LRRC43: variants seen among roughly 807,000 people sequenced by gnomAD.
LRRC43 encodes leucine-rich repeat-containing protein 43.
Under a neutral mutation model 64.3 loss-of-function variants are expected in LRRC43, and 62 were observed. The observed-to-expected ratio is 0.96, with a 90% CI of 0.79 to 1.19. The LOEUF (loss-of-function observed/expected upper bound fraction) is 1.19. Among genes scored for constraint, LRRC43 ranks in the 50% most tolerant of loss-of-function variants. The pLI is 0.00. For synonymous variants in LRRC43, 422 were observed against 382.3 expected (o/e 1.10, Z -1.21); for missense variants, 868 against 845.0 (o/e 1.03, Z -0.34).
In LRRC43 at chr12:122,191,540, G is replaced by C. The variant is rs902556363; in HGVS notation, c.1062G>C (p.Met354Ile). Residue 354 changes from methionine (M) to isoleucine (I), a missense_variant, in exon 6 of 12, where the codon ATG becomes ATC. Physicochemically the swap from Met to Ile is conservative, Grantham distance 10. Transcript: ENST00000339777. ...YDFVKDEEGE[M>I]NESAGVLAEI... ...TTGTGAAAGATGAAGAAGGCGAAAT[G>C]AATGAGTCCGCGGGCGTCCTGGCCG... 1.2e-6 allele frequency: 2 copies of C among 1,614,044 alleles called. No individual in the cohort carries two copies. The highest frequency in any genetic ancestry group is 1.7e-6 in the Non-Finnish European group (2 of 1,180,034).
In LRRC43 at chr12:122,189,806, G is replaced by A. The variant is rs1286655611; in HGVS notation, c.663-324G>A. Among the ~76,000 whole-genome samples the A allele has an allele frequency of 2.0e-5, 3 of 152,246 alleles. No homozygotes were observed. In the South Asian group the frequency reaches 6.2e-4, roughly 31 times the overall value. The stretch of plus-strand genomic sequence containing the variant: ...AGTCTGCCTGTACTATTTGTGCAGA[G>A]CCTCCTAGACGCACGCAGTGCGCGA... On this transcript the variant is annotated intron_variant, in intron 4 of 11. Coordinates refer to ENST00000339777, the MANE Select transcript of LRRC43 (RefSeq NM_001098519.2).
chr12:122,194,192 G>A (rs1953751454), intron 7 of LRRC43, among the ~76,000 whole-genome samples: 1 of 151,752 alleles, frequency 6.6e-6, no homozygotes, highest in African/African-American at 2.4e-5. Context: ...AGAGAAGAAA[G>A]GAGAGCACAA....
At chr12:122,175,815 C>T (rs1953532817) in intron 1 of LRRC43, among the ~76,000 whole-genome samples, 3 of 151,950 alleles carry the variant, frequency 2.0e-5, no homozygotes, top group South Asian at 4.2e-4. Context: ...TACAGGCACC[C>T]ACCACCACGC....
chr12:122,184,674 T>A lies in LRRC43; in HGVS notation c.306T>A (p.Asn102Lys). ...CCTGGGCTCTGCTGAACAACTCGAA[T>A]GCAGAAGACAGTTTCCTGAGAGAAT... ...HSPWALLNNS[N>K]AEDSFLRELA... The change falls in exon 2 of 12, where the codon AAT (asparagine) becomes AAA (lysine). Residue 102 changes from asparagine (N) to lysine (K), a missense_variant. Asn to Lys is a moderately conservative substitution (Grantham distance 94). Transcript: ENST00000339777. The surrounding 1 kb of genome is among the most constrained non-coding windows in gnomAD (Gnocchi z 4.0). 1 of 1,613,992 alleles carries A rather than the reference T, an allele frequency of 6.2e-7. No homozygotes were observed. The highest frequency in any genetic ancestry group is 8.5e-7 in the Non-Finnish European group (1 of 1,179,880).
Position 122,186,207 on chromosome 12 carries a change from A to T in LRRC43, c.429A>T (p.Lys143Asn). ...VIDKKVTLVDKDLLKFLKLEE... is the reference protein window; with the variant it reads ...VIDKKVTLVDNDLLKFLKLEE... ...TCTTCCAGGTCACCCTGGTGGATAA[A>T]GACCTCCTGAAATTTCTAAAGCTGG... Residue 143 changes from lysine to asparagine, a missense_variant, in exon 3 of 12, where the codon AAA becomes AAT. Lys to Asn is a moderately conservative substitution (Grantham distance 94). Coordinates refer to ENST00000339777, the MANE Select transcript of LRRC43 (RefSeq NM_001098519.2). 1 of 1,597,596 alleles carries T rather than the reference A, an allele frequency of 6.3e-7. No homozygotes were observed. The highest frequency in any genetic ancestry group is 8.5e-7 in the Non-Finnish European group (1 of 1,172,076).
chr12:122,190,349 G>A lies in LRRC43; in HGVS notation c.882G>A (p.Arg294=), dbSNP rs1465909595. The A allele has an allele frequency of 2.5e-6, 4 of 1,613,854 alleles. No homozygotes were observed. In the African/African-American group the frequency reaches 4.0e-5, roughly 16 times the overall value. Residue 294 remains arginine, a synonymous_variant, in exon 5 of 12, where the codon CGG becomes CGA. Coordinates refer to ENST00000339777, the MANE Select transcript of LRRC43 (RefSeq NM_001098519.2). ...TVSPNEKHLF[R]GLSLNGDLLA... ...CTCCCAATGAGAAGCATCTCTTCCG[G>A]GGGCTCAGCCTCAATGGCGGTGAGG...
chr12:122,168,865 CA>C (rs1953461784), intron 1 of LRRC43, among the ~76,000 whole-genome samples: 2 of 152,224 alleles, frequency 1.3e-5, no homozygotes, highest in African/African-American at 4.8e-5. Context: ...AATCTGTGAC[CA>C]TTTCTTAGCC....
intron 10 of LRRC43, 143 bp downstream of exon 10, chr12:122,201,077 G>A: frequency 8.6e-7 from 1 of 1,159,276 alleles, no homozygotes; most frequent in Non-Finnish European, 1.2e-6. Context: ...CATGCAGCTG[G>A]GCTGCTGGTG....
chr12:122,173,956 A>G, intron 1 of LRRC43: 1 of 1,614,186 alleles, frequency 6.2e-7, no homozygotes, highest in Non-Finnish European at 8.5e-7. Flanking sequence ...CCAGCCTCCC[A>G]GGCAGCAGAA....
In LRRC43 at chr12:122,200,825, G is replaced by A. The variant is rs184253802; in HGVS notation, c.1700G>A (p.Arg567Gln). The change falls in exon 10 of 12, where the codon CGG (arginine) becomes CAG (glutamine). Residue 567 changes from arginine (R) to glutamine (Q), a missense_variant. Transcript: ENST00000339777. The surrounding 1 kb of genome is among the most constrained non-coding windows in gnomAD (Gnocchi z 4.6). ...QDPPILQVLG[R>Q]GLVILEPLLA... ...CCCCCCATCCTCCAGGTGCTGGGCC[G>A]GGGCCTGGTGATCCTGGAGCCCCTG... The A allele has an allele frequency of 7.7e-5, 124 of 1,613,162 alleles. No homozygotes were observed. The East Asian group carries it at 9.1e-4, about 12-fold the overall frequency.
intron 1 of LRRC43, among the ~76,000 whole-genome samples, chr12:122,169,214 A>C (rs1406417989): frequency 6.6e-6 from 1 of 152,120 alleles, no homozygotes; most frequent in African/African-American, 2.4e-5. Context: ...TGGAGGGAGG[A>C]ATATCGAAGA....
Position 122,190,314 on chromosome 12 carries a change from A to T in LRRC43, c.847A>T (p.Ile283Phe). The stretch of plus-strand genomic sequence containing the variant: ...GGCCCAGCTCTGCGTGCTGGACGAC[A>T]TCACCGTGTCTCCCAATGAGAAGCA... Reference protein sequence around the residue: ...SLAQLCVLDDITVSPNEKHLF... With the variant: ...SLAQLCVLDDFTVSPNEKHLF... The change falls in exon 5 of 12, where the codon ATC becomes TTC. Residue 283 changes from isoleucine to phenylalanine, a missense_variant. Coordinates refer to ENST00000339777, the MANE Select transcript of LRRC43 (RefSeq NM_001098519.2). The T allele has an allele frequency of 1.2e-6, 2 of 1,614,134 alleles. No homozygotes were observed. Among genetic ancestry groups the T allele is most frequent in the Non-Finnish European group, 1.7e-6 (2 of 1,180,024 alleles).
chr12:122,182,611 TGAACCCGG>T (rs1400081593), upstream of LRRC43, among the ~76,000 whole-genome samples: 1 of 151,724 alleles, frequency 6.6e-6, no homozygotes, highest in Non-Finnish European at 1.5e-5. Flanking sequence ...GAGAATCGCT[TGAACCCGG>T]GACACGGAGA....
At chr12:122,172,112 A>T in intron 1 of LRRC43, 1 of 271,206 alleles carries the variant, frequency 3.7e-6, no homozygotes, top group Non-Finnish European at 7.0e-6. Flanking sequence ...TACAATAAAT[A>T]TCAATAAATT....
Position 122,200,702 on chromosome 12 carries a change from C to A in LRRC43, c.1620+42C>A. 6.2e-7 allele frequency: 1 copy of A among 1,613,176 alleles called. No homozygotes were observed. The highest frequency in any genetic ancestry group is 8.5e-7 in the Non-Finnish European group (1 of 1,179,860). ...CTGGGGAGGGCAGCCTGGCCACACCCTTGCTTCAACTTGTCCCACCCTCCT... is the reference window on the plus strand; with the variant it reads ...CTGGGGAGGGCAGCCTGGCCACACCATTGCTTCAACTTGTCCCACCCTCCT... On this transcript the variant is annotated intron_variant, in intron 9 of 11. Coordinates refer to ENST00000339777, the MANE Select transcript of LRRC43 (RefSeq NM_001098519.2). This position sits in a 1 kb window ranked among gnomAD's most constrained non-coding sequence, Gnocchi z 4.6.
chr12:122,192,974 G>A lies in LRRC43; in HGVS notation c.1319G>A (p.Arg440His), dbSNP rs773915313. 21 of 1,613,866 alleles carry A rather than the reference G, an allele frequency of 1.3e-5. No homozygotes were observed. Among genetic ancestry groups the A allele is most frequent in the Middle Eastern group, 1.7e-4 (1 of 6,048 alleles). Residue 440 changes from arginine to histidine, a missense_variant, in exon 7 of 12, where the codon CGT (arginine) becomes CAT (histidine). Transcript: ENST00000339777. ...GAAGAGCTGGCCAAGTTGAGGCTGC[G>A]TATAGATCCCCGGCTCTGCCCGTCC... ...SAEELAKLRL[R>H]IDPRLCPSPG...
rs770928602 is a variant in LRRC43 at position 122,187,758 on chromosome 12, C to T, written c.580C>T (p.Pro194Ser). ...SSMECLCAHP[P>S]AGLQHLGLGH... is the part of the protein sequence containing the mutation. ...CATGGAGTGTCTGTGTGCCCACCCA[C>T]CCGCCGGCCTGCAGCACTTGGGGTT... Residue 194 changes from proline (P) to serine (S), a missense_variant, in exon 4 of 12, where the codon CCC becomes TCC. Coordinates refer to ENST00000339777, the MANE Select transcript of LRRC43 (RefSeq NM_001098519.2). 12 of 1,614,014 alleles carry T rather than the reference C, an allele frequency of 7.4e-6. No homozygotes were observed. The African/African-American group carries it at 1.5e-4, about 20-fold the overall frequency.
chr12:122,188,350 G>A (rs934175304), intron 4 of LRRC43, among the ~76,000 whole-genome samples: 18 of 151,790 alleles, frequency 1.2e-4, no homozygotes, highest in South Asian at 2.1e-4. Flanking sequence ...CTCGTGATCC[G>A]CCCGTCTCGG....
At position 122,177,812 on chromosome 12, in the gene LRRC43, T is replaced by TTTTATTTATTTATTTATTTA. The variant is rs56698669; in HGVS notation, c.-405-6688_-405-6669dup. 6.7e-4 allele frequency among the ~76,000 whole-genome samples: 93 copies of TTTTATTTATTTATTTATTTA among 138,492 alleles called. 1 individual carries two copies. Among genetic ancestry groups the TTTTATTTATTTATTTATTTA allele is most frequent in the East Asian group, 1.5e-3 (7 of 4,646 alleles). 90.9% of individuals were successfully genotyped at this position (138,492 alleles called of 152,430 possible). A position where few individuals can be genotyped will look rare whatever the true frequency, so the allele number is the denominator to read the frequency against. On this transcript the variant is annotated intron_variant, in intron 1 of 5. Coordinates refer to the LRRC43 transcript ENST00000537729. Reference sequence around the variant, plus strand: ...CCACTGCGCCTGGCCACCTTTGTGGTTTTATTTATTTATTTATTTATTTAT... The same window carrying TTTTATTTATTTATTTATTTA: ...CCACTGCGCCTGGCCACCTTTGTGGTTTTATTTATTTATTTATTTATTTATTTATTTATTTATTTATTTAT...
Sources: allele counts gnomAD v4.1 joint callset (sites outside exome capture counted in the v4.1 genomes callset), GRCh38; gene constraint gnomAD v4.1.1; non-coding constraint Gnocchi (gnomAD v3.1); transcripts MANE v1.5; gene names NCBI Gene and HGNC (gene_info 2026-07-23, HGNC 2026-07-21).